Variants in CPHXL observed in about 807,000 individuals in gnomAD.
CPHXL encodes cytoplasmic polyadenylated homeobox like, also known as cytoplasmic polyadenylated homeobox-like protein.
chr16:75,716,887 T>C (rs777169635), intron 2 of CPHXL, among the ~76,000 whole-genome samples: 12 of 152,234 alleles, frequency 7.9e-5, no homozygotes, highest in South Asian at 2.1e-4. Flanking sequence ...CCCTTCAGAA[T>C]TGCATATTCA....
intron 2 of CPHXL, among the ~76,000 whole-genome samples, chr16:75,717,853 C>A (rs558668823): frequency 6.6e-6 from 1 of 152,294 alleles, no homozygotes; most frequent in South Asian, 2.1e-4. Flanking sequence ...ATTGCACTTT[C>A]CCATTTCTTC....
At chr16:75,716,632 G>GT (rs554277588) in intron 2 of CPHXL, among the ~76,000 whole-genome samples, 4 of 151,906 alleles carry the variant, frequency 2.6e-5, no homozygotes, top group East Asian at 1.9e-4. Flanking sequence ...CAGTGTCTTT[G>GT]TTTTTTTTCT....
Position 75,718,499 on chromosome 16 carries a change from T to C in CPHXL, c.26-41A>G, listed in dbSNP as rs146099940. ...GTAGCGAGAAGGGCATTAGAGAATATTGGTAATAACCAGACCAAAGAAGAG... is the reference window on the plus strand; with the variant it reads ...GTAGCGAGAAGGGCATTAGAGAATACTGGTAATAACCAGACCAAAGAAGAG... On this transcript the variant is annotated intron_variant, in intron 1 of 2. Transcript: ENST00000640559. 1.0e-3 allele frequency: 410 copies of C among 398,326 alleles called. 1 individual carries two copies. The highest frequency in any genetic ancestry group is 7.4e-3 in the African/African-American group (359 of 48,754). The allele number at this position is 398,326 out of a possible 1,614,324, so 24.7% of individuals were successfully genotyped here.
intron 1 of CPHXL, among the ~76,000 whole-genome samples, chr16:75,718,692 T>C (rs771350195): frequency 2.0e-5 from 3 of 152,208 alleles, no homozygotes; most frequent in Non-Finnish European, 4.4e-5. Context: ...AATAGAGTTT[T>C]ATCGAAACAC....
chr16:75,718,647 T>G (rs1009960675), intron 1 of CPHXL, among the ~76,000 whole-genome samples, 189 bp from the exon 2 acceptor site: 3 of 152,222 alleles, frequency 2.0e-5, no homozygotes, highest in Non-Finnish European at 4.4e-5. Context: ...ACTCTAGGCC[T>G]ATGGGCCAGA....
At chr16:75,720,649 A>G (rs914137639) in intron 1 of CPHXL, among the ~76,000 whole-genome samples, 5 of 152,316 alleles carry the variant, frequency 3.3e-5, no homozygotes, top group East Asian at 1.9e-4. Context: ...AAAGTCACAG[A>G]GAGAATGGAA....
intron 1 of CPHXL, among the ~76,000 whole-genome samples, chr16:75,718,753 C>A (rs1016864139): frequency 6.6e-6 from 1 of 152,250 alleles, no homozygotes; most frequent in African/African-American, 2.4e-5. Flanking sequence ...CAAGCCACAA[C>A]AGCAGGCTTA....
intron 1 of CPHXL, among the ~76,000 whole-genome samples, chr16:75,721,761 C>T (rs1400807925): frequency 6.6e-6 from 1 of 152,204 alleles, no homozygotes; most frequent in Non-Finnish European, 1.5e-5. Flanking sequence ...ACCTAATAGA[C>T]ATCTACAGAA....
intron 1 of CPHXL, among the ~76,000 whole-genome samples, chr16:75,725,083 C>T (rs1039123813): frequency 1.3e-4 from 20 of 151,094 alleles, no homozygotes; most frequent in African/African-American, 4.6e-4. Flanking sequence ...AGTGAGAACA[C>T]ATGGACACAG....
At chr16:75,720,104 T>A (rs11866651) in intron 1 of CPHXL, among the ~76,000 whole-genome samples, 1 of 151,914 alleles carries the variant, frequency 6.6e-6, no homozygotes, top group Admixed American at 6.6e-5. Flanking sequence ...CCCATCTGTA[T>A]GTCACCATCA....
intron 1 of CPHXL, among the ~76,000 whole-genome samples, chr16:75,724,685 A>C (rs1959528452): frequency 6.6e-6 from 1 of 152,210 alleles, no homozygotes; most frequent in South Asian, 2.1e-4. Flanking sequence ...TGGGACTGTA[A>C]AGTAGTTCAA....
rs999191858 is a variant in CPHXL at position 75,718,458 on chromosome 16, C to A, written c.26G>T (p.Gly9Val). 8 of 398,340 alleles carry A rather than the reference C, an allele frequency of 2.0e-5. No individual in the cohort carries two copies. The highest frequency in any genetic ancestry group is 2.7e-5 in the Non-Finnish European group (6 of 226,038). 24.7% of individuals were successfully genotyped at this position (398,340 alleles called of 1,614,324 possible). The change falls in exon 2 of 3, where the codon GGT becomes GTT. Residue 9 changes from glycine (G) to valine (V), a missense_variant and splice_region_variant. Coordinates refer to ENST00000640559, the MANE Select transcript of CPHXL (RefSeq NM_001355613.1). The stretch of plus-strand genomic sequence containing the variant: ...ATGATGATCCTCTTCAGCTGGGAAA[C>A]CTGACAAAAGTATAAGTAGCGAGAA... MNLDGTSG[G>V]FPAEEDHHNE...
intron 1 of CPHXL, among the ~76,000 whole-genome samples, chr16:75,724,253 C>T (rs533742531): frequency 7.9e-4 from 121 of 152,282 alleles, no homozygotes; most frequent in African/African-American, 2.8e-3. Context: ...GCAATGGCAA[C>T]GAAAGCCAAA....
At chr16:75,719,009 A>T (rs1481733169) in intron 1 of CPHXL, among the ~76,000 whole-genome samples, 1 of 152,228 alleles carries the variant, frequency 6.6e-6, no homozygotes, top group Non-Finnish European at 1.5e-5. Flanking sequence ...AGTTTTCTTT[A>T]TCTGAGTGCT....
rs1357232653 is a variant in CPHXL, at chr16:75,714,816, T to C, written c.626A>G (p.Tyr209Cys). Residue 209 changes from tyrosine (Y) to cysteine (C), a missense_variant, in exon 3 of 3, where the codon TAT becomes TGT. Physicochemically the swap from Tyr to Cys is radical, Grantham distance 194. Coordinates refer to ENST00000640559, the MANE Select transcript of CPHXL (RefSeq NM_001355613.1). ...PSQQVASQSS[Y>C]LVTGTEKHPG... ...ATGCTTTTCAGTGCCTGTGACCAGA[T>C]AGGAACTCTGGGAGGCCACCTGTTG... 11 of 398,664 alleles carry C rather than the reference T, an allele frequency of 2.8e-5. No homozygotes were observed. The highest frequency in any genetic ancestry group is 4.4e-5 in the Admixed American group (1 of 22,740). 24.7% of individuals were successfully genotyped at this position (398,664 alleles called of 1,614,324 possible).
chr16:75,715,853 C>T (rs184523168), intron 2 of CPHXL, among the ~76,000 whole-genome samples: 3 of 151,046 alleles, frequency 2.0e-5, no homozygotes, highest in African/African-American at 4.9e-5. Context: ...CACCACCATG[C>T]CCGGCTAATT....
In CPHXL at chr16:75,714,809, G is replaced by A; in HGVS notation, c.633C>T (p.Val211=). The A allele has an allele frequency of 5.0e-6, 2 of 398,608 alleles. No homozygotes were observed. The highest frequency in any genetic ancestry group is 8.8e-6 in the Non-Finnish European group (2 of 226,100). 24.7% of individuals were successfully genotyped at this position (398,608 alleles called of 1,614,324 possible). A position where few individuals can be genotyped will look rare whatever the true frequency, so the allele number is the denominator to read the frequency against. Residue 211 remains valine, a synonymous_variant, in exon 3 of 3, where the codon GTC becomes GTT. Coordinates refer to ENST00000640559, the MANE Select transcript of CPHXL (RefSeq NM_001355613.1). ...AGCCTGGATGCTTTTCAGTGCCTGT[G>A]ACCAGATAGGAACTCTGGGAGGCCA... ...QQVASQSSYL[V]TGTEKHPGCA...
At chr16:75,723,356 C>G (rs1247467959) in intron 1 of CPHXL, among the ~76,000 whole-genome samples, 1 of 151,850 alleles carries the variant, frequency 6.6e-6, no homozygotes, top group African/African-American at 2.4e-5. Context: ...AAAACCCCAT[C>G]GTCTCAGCCC....
chr16:75,722,106 T>G (rs1375539400), intron 1 of CPHXL, among the ~76,000 whole-genome samples: 3 of 152,110 alleles, frequency 2.0e-5, no homozygotes, highest in Admixed American at 6.6e-5. Flanking sequence ...TTCAAAGCAG[T>G]GTGTAGAGGG....
Sources: allele counts gnomAD v4.1 joint callset (sites outside exome capture counted in the v4.1 genomes callset), GRCh38; gene constraint gnomAD v4.1.1; transcripts MANE v1.5; gene names NCBI Gene and HGNC (gene_info 2026-07-23, HGNC 2026-07-21).